Variants in SPAG9 observed in about 807,000 individuals in gnomAD.
SPAG9 encodes sperm associated antigen 9.
A neutral mutation model predicts 166.5 loss-of-function variants in SPAG9; 35 were observed. The observed-to-expected ratio is 0.21, with a 90% CI of 0.16 to 0.28. The LOEUF (loss-of-function observed/expected upper bound fraction) is 0.28. SPAG9 is among the 10% of genes least tolerant of loss of function. The pLI is 1.00. For synonymous variants in SPAG9, 534 were observed against 565.5 expected (o/e 0.94, Z 0.79); for missense variants, 1,235 against 1,603.3 (o/e 0.77, Z 3.92).
intron 6 of SPAG9, among the ~76,000 whole-genome samples, chr17:51,028,141 C>A (rs2046258558): frequency 6.6e-6 from 1 of 150,646 alleles, no homozygotes. Flanking sequence ...TTTCATAGAG[C>A]TATACAATGT....
intron 2 of SPAG9, among the ~76,000 whole-genome samples, chr17:51,079,170 G>C (rs1339643981): frequency 6.6e-6 from 1 of 150,874 alleles, no homozygotes; most frequent in East Asian, 2.0e-4. Flanking sequence ...ACAATTCCAA[G>C]TTTGTATTTA....
intron 21 of SPAG9, among the ~76,000 whole-genome samples, chr17:50,988,276 T>C (rs1225717996): frequency 6.6e-6 from 1 of 152,060 alleles, no homozygotes; most frequent in Non-Finnish European, 1.5e-5. Context: ...ATTTTTTTTG[T>C]AAAAAATCAG....
chr17:50,979,635 A>T, intron 26 of SPAG9, 111 bp downstream of exon 26: 1 of 1,015,078 alleles, frequency 9.9e-7, no homozygotes, highest in Non-Finnish European at 1.5e-6. Context: ...GTGCATAGCC[A>T]CTGCACTCCA....
intron 8 of SPAG9, 32 bp from the exon 9 acceptor site, chr17:51,014,385 C>G (rs577312762): frequency 1.9e-6 from 3 of 1,581,012 alleles, no homozygotes; most frequent in African/African-American, 2.7e-5. Flanking sequence ...ACCAAATCAA[C>G]AAATGACAAA....
chr17:51,092,896 C>G (rs1225270360), intron 1 of SPAG9, among the ~76,000 whole-genome samples: 2 of 151,904 alleles, frequency 1.3e-5, no homozygotes, highest in East Asian at 3.9e-4. Context: ...TATGATCACA[C>G]CACTGCACGC....
intron 10 of SPAG9, 62 bp downstream of exon 10, chr17:51,007,207 T>C: frequency 1.1e-6 from 1 of 938,068 alleles, no homozygotes; most frequent in Non-Finnish European, 1.7e-6. Context: ...AACGATGAAG[T>C]GTCATTGACT....
intron 1 of SPAG9, among the ~76,000 whole-genome samples, chr17:51,115,848 GAA>G (rs890513629): frequency 2.6e-5 from 4 of 151,490 alleles, no homozygotes; most frequent in African/African-American, 9.7e-5. Flanking sequence ...GAAAAGAAAA[GAA>G]AAGAAAAGAA....
At chr17:51,001,998 T>C (rs1352339443) in intron 12 of SPAG9, among the ~76,000 whole-genome samples, 153 bp from the exon 13 acceptor site, 5 of 152,082 alleles carry the variant, frequency 3.3e-5, no homozygotes, top group African/African-American at 1.2e-4. Context: ...AAAAACAAAA[T>C]CAACAAAGAC....
intron 1 of SPAG9, among the ~76,000 whole-genome samples, chr17:51,099,759 T>TAAAAAAAAA (rs58721041): frequency 6.9e-5 from 3 of 43,650 alleles, no homozygotes; most frequent in African/African-American, 6.9e-5. Flanking sequence ...CTTCTATTAC[T>TAAAAAAAAA]AAAAAAAAAA....
At chr17:50,991,019 G>C (rs1428961747) in intron 19 of SPAG9, among the ~76,000 whole-genome samples, 2 of 150,692 alleles carry the variant, frequency 1.3e-5, no homozygotes, top group African/African-American at 4.9e-5. Flanking sequence ...TGATTCTCCT[G>C]CCTCAGCCTC....
chr17:51,011,555 G>A (rs917373685), intron 9 of SPAG9, among the ~76,000 whole-genome samples: 2 of 152,004 alleles, frequency 1.3e-5, no homozygotes, highest in African/African-American at 4.8e-5. Context: ...GCTAATTTTT[G>A]TAGTTTTAGT....
chr17:50,976,993 G>C, intron 27 of SPAG9, 115 bp downstream of exon 27: 1 of 670,424 alleles, frequency 1.5e-6, no homozygotes, highest in Non-Finnish European at 2.6e-6. Context: ...AGTAACTATA[G>C]CTAGATCTTT....
At position 51,061,597 on chromosome 17, in the gene SPAG9, C is replaced by T. The variant is rs1437364804; in HGVS notation, c.425-5115G>A. Among the ~76,000 whole-genome samples the T allele has an allele frequency of 3.9e-5, 4 of 103,758 alleles. No individual in the cohort carries two copies. In the East Asian group the frequency reaches 1.1e-3, roughly 29 times the overall value. 68.1% of individuals were successfully genotyped at this position (103,758 alleles called of 152,430 possible). On this transcript the variant is annotated intron_variant, in intron 2 of 29. Coordinates refer to ENST00000262013, the MANE Select transcript of SPAG9 (RefSeq NM_001130528.3). ...TGCACTCTAGTCTGGGCAACAAGAGCGAAAGCTCTGTCTCCAAAAAAAAAA... is the reference window on the plus strand; with the variant it reads ...TGCACTCTAGTCTGGGCAACAAGAGTGAAAGCTCTGTCTCCAAAAAAAAAA...
At chr17:51,009,122 C>G (rs1300693950) in intron 9 of SPAG9, 1 of 450,466 alleles carries the variant, frequency 2.2e-6, no homozygotes, top group African/African-American at 2.0e-5. Context: ...TATTCAAAAT[C>G]ATACACACCA....
chr17:51,049,135 T>C (rs1228124765), intron 3 of SPAG9, among the ~76,000 whole-genome samples: 1 of 152,096 alleles, frequency 6.6e-6, no homozygotes, highest in East Asian at 1.9e-4. Context: ...TCCCAGCACT[T>C]TGGGAGGTAG....
intron 1 of SPAG9, among the ~76,000 whole-genome samples, chr17:51,091,024 G>A (rs1217174955): frequency 6.6e-6 from 1 of 151,752 alleles, no homozygotes; most frequent in Non-Finnish European, 1.5e-5. Context: ...CACTTTGGGA[G>A]GCCAAGGAGG....
Position 50,990,548 on chromosome 17 carries a change from C to T in SPAG9, c.2519G>A (p.Gly840Glu), listed in dbSNP as rs528585076. 6.2e-7 allele frequency: 1 copy of T among 1,614,176 alleles called. No homozygotes were observed. The highest frequency in any genetic ancestry group is 8.5e-7 in the Non-Finnish European group (1 of 1,180,002). The change falls in exon 20 of 30, where the codon GGA becomes GAA. Residue 840 changes from glycine (G) to glutamate (E), a missense_variant. Gly to Glu is a moderately conservative substitution (Grantham distance 98, BLOSUM62 -2). Coordinates refer to ENST00000262013, the MANE Select transcript of SPAG9 (RefSeq NM_001130528.3). ...AGAACAACCAACCACTGTGATGCCT[C>T]CTAACAGGCTGTCTGTCTCTGCTGA... ...NSSAETDSLL[G>E]GITVVGCSAE...
At chr17:50,976,570 T>G (rs1018314821) in intron 27 of SPAG9, 1 of 153,250 alleles carries the variant, frequency 6.5e-6, no homozygotes, top group African/African-American at 2.4e-5. Context: ...AAACATTTAC[T>G]TAATGGATGA....
At chr17:50,986,135 G>A (rs1266224942) in intron 22 of SPAG9, among the ~76,000 whole-genome samples, 1 of 152,200 alleles carries the variant, frequency 6.6e-6, no homozygotes, top group African/African-American at 2.4e-5. Context: ...CCCACATAGG[G>A]AGTGGCAAAC....
Sources: gnomAD v4.1 joint callset for allele counts (sites outside exome capture counted in the v4.1 genomes callset) on GRCh38, gnomAD v4.1.1 for gene constraint, MANE v1.5 for transcripts, NCBI Gene and HGNC (gene_info 2026-07-23, HGNC 2026-07-21) for gene names.